The following POC1B variants were observed in gnomAD, a reference collection of about 807,000 sequenced individuals.
The protein encoded by POC1B is POC1 centriolar protein homolog B.
POC1B carries 44 observed loss-of-function variants against 60.6 expected under a neutral mutation model. The observed-to-expected ratio is 0.73, with a 90% confidence interval of 0.57 to 0.93. The LOEUF is 0.93. Ranked by LOEUF, POC1B falls within the 40% of genes least tolerant of loss-of-function variation. POC1B has a pLI of 0.00. For synonymous variants in POC1B, 180 were observed against 198.9 expected (o/e 0.90, Z 0.80); for missense variants, 555 against 572.3 (o/e 0.97, Z 0.31).
chr12:89,459,610 C>A lies in POC1B; in HGVS notation c.1113+28G>T, dbSNP rs183213565. The stretch of plus-strand genomic sequence containing the variant: ...AAATGATTAAATGCCACTTAAGTGT[C>A]AAAAAAAAAAAAAAAAACCCGACTT... On this transcript the variant is annotated intron_variant, in intron 10 of 11. Transcript: ENST00000313546. 5,372 of 883,094 alleles carry A rather than the reference C, an allele frequency of 6.1e-3. 10 individuals are homozygous for A. Among genetic ancestry groups the A allele is most frequent in the South Asian group, 0.018 (641 of 35,868 alleles). 54.7% of individuals were successfully genotyped at this position (883,094 alleles called of 1,614,324 possible). A position where few individuals can be genotyped will look rare whatever the true frequency, so the allele number is the denominator to read the frequency against.
chr12:89,453,254 T>C (rs1279562293), intron 10 of POC1B, among the ~76,000 whole-genome samples: 1 of 152,228 alleles, frequency 6.6e-6, no homozygotes, highest in Non-Finnish European at 1.5e-5. Flanking sequence ...ATCTTAGGGC[T>C]TAACATTTAA....
At chr12:89,497,462 G>GT in intron 2 of POC1B, 120 bp from the exon 3 acceptor site, 2 of 996,764 alleles carry the variant, frequency 2.0e-6, no homozygotes, top group Non-Finnish European at 2.9e-6. Context: ...GCTGGAGGTT[G>GT]TAAGGCTGCC....
At chr12:89,436,214 G>C (rs894052975) in intron 10 of POC1B, among the ~76,000 whole-genome samples, 2 of 151,960 alleles carry the variant, frequency 1.3e-5, no homozygotes, top group African/African-American at 4.8e-5. Context: ...GCCTTCCAAA[G>C]TGCTGGGATT....
intron 2 of POC1B, chr12:89,500,065 A>C (rs1010080140): frequency 1.9e-5 from 25 of 1,283,060 alleles, no homozygotes; most frequent in Non-Finnish European, 2.5e-5. Context: ...CACCTCAGAC[A>C]CCTGCGCTGG....
intron 2 of POC1B, chr12:89,522,796 G>T (rs540349909): frequency 6.5e-7 from 1 of 1,546,126 alleles, no homozygotes; most frequent in Non-Finnish European, 8.7e-7. Flanking sequence ...AGCTCATGAC[G>T]AAAGTGCTGT....
At chr12:89,482,777 T>C (rs1442607699) in intron 4 of POC1B, among the ~76,000 whole-genome samples, 1 of 152,118 alleles carries the variant, frequency 6.6e-6, no homozygotes, top group African/African-American at 2.4e-5. Flanking sequence ...ACCAGCAGAT[T>C]TGGTGTCTAA....
chr12:89,480,428 C>CTT (rs112776690), intron 4 of POC1B, among the ~76,000 whole-genome samples: 5 of 139,770 alleles, frequency 3.6e-5, no homozygotes, highest in Admixed American at 7.2e-5. Context: ...ATTTATAATT[C>CTT]TTTTTTTTTT....
At position 89,421,107 on chromosome 12, in the gene POC1B, T is replaced by C. The variant is rs187178644; in HGVS notation, c.*46A>G. ...ACCTTCCTGAGTGTATGTACATTTGTTCATTTATTGGGCCTCTGCCCAACA... is the reference window on the plus strand; with the variant it reads ...ACCTTCCTGAGTGTATGTACATTTGCTCATTTATTGGGCCTCTGCCCAACA... On this transcript the variant is annotated 3_prime_UTR_variant, in exon 12 of 12. Coordinates refer to ENST00000313546, the MANE Select transcript of POC1B (RefSeq NM_172240.3). 2.2e-3 allele frequency: 3,178 copies of C among 1,437,784 alleles called. 9 individuals are homozygous for C. Among genetic ancestry groups the C allele is most frequent in the Non-Finnish European group, 2.4e-3 (2,556 of 1,043,486 alleles). The allele number at this position is 1,437,784 out of a possible 1,614,324, so 89.1% of individuals were successfully genotyped here.
At chr12:89,501,389 C>A (rs1483166170) in intron 2 of POC1B, 1 of 1,016,174 alleles carries the variant, frequency 9.8e-7, no homozygotes, top group Non-Finnish European at 1.5e-6. Flanking sequence ...ATGGCTAAAC[C>A]AGCTGAAGAA....
intron 2 of POC1B, among the ~76,000 whole-genome samples, chr12:89,506,823 G>C (rs1369335950): frequency 6.6e-6 from 1 of 152,092 alleles, no homozygotes; most frequent in African/African-American, 2.4e-5. Flanking sequence ...TCGAGTAGGG[G>C]CTCAGAAAGC....
intron 3 of POC1B, among the ~76,000 whole-genome samples, chr12:89,494,249 C>A (rs1012895568): frequency 1.3e-5 from 2 of 152,034 alleles, no homozygotes; most frequent in East Asian, 3.9e-4. Flanking sequence ...CAGGGTCTCG[C>A]TATGTTGCCC....
chr12:89,509,811 A>T, intron 2 of POC1B, among the ~76,000 whole-genome samples: 1 of 152,088 alleles, frequency 6.6e-6, no homozygotes, highest in East Asian at 1.9e-4. Context: ...GAACCACACC[A>T]CTGCAAAAAC....
chr12:89,442,621 G>A (rs1223334350), intron 10 of POC1B, among the ~76,000 whole-genome samples: 2 of 152,248 alleles, frequency 1.3e-5, no homozygotes, highest in East Asian at 3.9e-4. Flanking sequence ...ACATGGAAAG[G>A]AACAACCGGT....
At chr12:89,524,423 C>T in intron 2 of POC1B, 1 of 1,613,982 alleles carries the variant, frequency 6.2e-7, no homozygotes, top group Non-Finnish European at 8.5e-7. Flanking sequence ...GACCCCAGCT[C>T]CCTGGCACGG....
intron 10 of POC1B, among the ~76,000 whole-genome samples, chr12:89,447,074 T>C (rs1023012610): frequency 6.6e-6 from 1 of 152,152 alleles, no homozygotes; most frequent in Admixed American, 6.6e-5. Context: ...CTTAACTAAA[T>C]ATTAATAATA....
At position 89,438,401 on chromosome 12, in the gene POC1B, G is replaced by C. The variant is rs1375293192; in HGVS notation, c.1114-13022C>G. Among the ~76,000 whole-genome samples, 5 of 152,390 alleles carry C rather than the reference G, an allele frequency of 3.3e-5. No individual in the cohort carries two copies. The East Asian group carries it at 7.7e-4, about 24-fold the overall frequency. The stretch of plus-strand genomic sequence containing the variant: ...GAAGCCGGGAGGCGGAGCTTGCAGT[G>C]AGCCGTGATAGCGCCACTGCACGCC... On this transcript the variant is annotated intron_variant, in intron 10 of 11. Coordinates refer to ENST00000313546, the MANE Select transcript of POC1B (RefSeq NM_172240.3).
At chr12:89,449,312 T>G (rs1297789499) in intron 10 of POC1B, among the ~76,000 whole-genome samples, 1 of 152,322 alleles carries the variant, frequency 6.6e-6, no homozygotes, top group African/African-American at 2.4e-5. Flanking sequence ...TTTAGTAGTA[T>G]GTGAAAAATG....
chr12:89,427,214 A>T (rs1175076702), intron 10 of POC1B: 1 of 152,242 alleles, frequency 6.6e-6, no homozygotes, highest in Non-Finnish European at 1.5e-5. Context: ...TCAAAGAAAC[A>T]AAACTGAGAG....
intron 3 of POC1B, 150 bp from the exon 4 acceptor site, chr12:89,492,265 G>T: frequency 5.7e-6 from 3 of 527,358 alleles, no homozygotes; most frequent in African/African-American, 2.0e-5. Flanking sequence ...GGGCTATGTT[G>T]TACTGTACTC....
Sources: gnomAD v4.1 joint callset for allele counts (sites outside exome capture counted in the v4.1 genomes callset) on GRCh38, gnomAD v4.1.1 for gene constraint, MANE v1.5 for transcripts, NCBI Gene and HGNC (gene_info 2026-07-23, HGNC 2026-07-21) for gene names.